The following ATP2C1 variants were observed in gnomAD, a reference collection of about 807,000 sequenced individuals.
ATP2C1 encodes ATPase secretory pathway Ca2+ transporting 1.
ATP2C1 carries 31 observed loss-of-function variants against 120.5 expected under a neutral mutation model. That is an observed-to-expected ratio of 0.26 (90% CI 0.19 to 0.35). ATP2C1 has a LOEUF of 0.35. Among genes scored for constraint, ATP2C1 ranks in the 10% least tolerant of loss-of-function variants. The pLI is 1.00. For synonymous variants in ATP2C1, 351 were observed against 358.7 expected (o/e 0.98, Z 0.24); for missense variants, 731 against 1,107.5 (o/e 0.66, Z 4.83).
chr3:131,007,765 CA>C (rs2063171842), downstream of ATP2C1, among the ~76,000 whole-genome samples: 1 of 151,988 alleles, frequency 6.6e-6, no homozygotes. Flanking sequence ...AATAAAATAC[CA>C]TATAATGCCT....
chr3:130,946,068 C>T (rs2060141226), intron 8 of ATP2C1, among the ~76,000 whole-genome samples: 1 of 152,066 alleles, frequency 6.6e-6, no homozygotes, highest in Admixed American at 6.5e-5. Flanking sequence ...TAGTTGGCCC[C>T]CATCATTTTT....
chr3:130,914,949 C>T (rs1293327366), intron 2 of ATP2C1, among the ~76,000 whole-genome samples: 1 of 152,142 alleles, frequency 6.6e-6, no homozygotes, highest in Non-Finnish European at 1.5e-5. Context: ...GCATTAGCAC[C>T]TACGGGAAAG....
At chr3:130,920,917 T>C (rs559811223) in intron 2 of ATP2C1, among the ~76,000 whole-genome samples, 26 of 152,276 alleles carry the variant, frequency 1.7e-4, no homozygotes, top group Admixed American at 2.6e-4. Flanking sequence ...AGGTAGTTAA[T>C]TTTTTTCTAT....
chr3:130,962,016 C>G (rs1054336662), intron 12 of ATP2C1, among the ~76,000 whole-genome samples: 1 of 152,018 alleles, frequency 6.6e-6, no homozygotes, highest in African/African-American at 2.4e-5. Context: ...GTTAATCATT[C>G]TGCAGCAAGG....
intron 17 of ATP2C1, among the ~76,000 whole-genome samples, chr3:130,972,582 C>G (rs1030045914): frequency 6.7e-6 from 1 of 150,200 alleles, no homozygotes; most frequent in Non-Finnish European, 1.5e-5. Flanking sequence ...ATTAACTCAT[C>G]ATTTAGCATT....
chr3:130,926,142 A>T (rs576772951), intron 2 of ATP2C1, among the ~76,000 whole-genome samples: 1 of 152,254 alleles, frequency 6.6e-6, no homozygotes, highest in East Asian at 1.9e-4. Context: ...GGGTCTGTGG[A>T]TTCTCTTGGC....
intron 8 of ATP2C1, among the ~76,000 whole-genome samples, chr3:130,945,778 T>G (rs2060126237): frequency 6.6e-6 from 1 of 152,144 alleles, no homozygotes; most frequent in Non-Finnish European, 1.5e-5. Flanking sequence ...AACAGTATGT[T>G]TTGCCTTTGT....
intron 2 of ATP2C1, among the ~76,000 whole-genome samples, chr3:130,901,225 T>C (rs1175886088): frequency 6.6e-6 from 1 of 152,146 alleles, no homozygotes; most frequent in African/African-American, 2.4e-5. Flanking sequence ...CTTATGAAAC[T>C]AGTATCAGAT....
downstream of ATP2C1, chr3:131,003,222 T>C (rs1251563577): frequency 1.1e-6 from 1 of 907,892 alleles, no homozygotes; most frequent in Non-Finnish European, 1.3e-6. Context: ...ATTAAAATTA[T>C]CCATATGGAT....
Position 131,002,937 on chromosome 3 carries a change from T to C in ATP2C1, c.*1587T>C. 1 of 985,882 alleles carries C rather than the reference T, an allele frequency of 1.0e-6. No homozygotes were observed. The highest frequency in any genetic ancestry group is 1.2e-6 in the Non-Finnish European group (1 of 829,916). 61.1% of individuals were successfully genotyped at this position (985,882 alleles called of 1,614,324 possible). ...GTCGTTAGATGGAACATGGAAGCCA[T>C]TGTCTAATCAACTCTATCATTAGTG... On this transcript the variant is annotated 3_prime_UTR_variant, in exon 28 of 28. Coordinates refer to ENST00000510168, the MANE Select transcript of ATP2C1 (RefSeq NM_001378687.1).
chr3:130,866,896 C>G (rs1269514887), intron 1 of ATP2C1, among the ~76,000 whole-genome samples: 1 of 152,126 alleles, frequency 6.6e-6, no homozygotes, highest in Non-Finnish European at 1.5e-5. Context: ...TTCTGGCAAC[C>G]TTGCATTGAG....
At chr3:130,998,667 C>T (rs1020033732) in intron 26 of ATP2C1, among the ~76,000 whole-genome samples, 5 of 152,130 alleles carry the variant, frequency 3.3e-5, no homozygotes, top group Non-Finnish European at 5.9e-5. Context: ...TAAGATAGAT[C>T]GTGGTTAACA....
chr3:131,001,931 T>G lies in ATP2C1; in HGVS notation c.*581T>G. The stretch of plus-strand genomic sequence containing the variant: ...GTGACCACTGTCAGATCACTGTTCT[T>G]TTCTTTCTTTTTGTGATTGAAAAGC... On this transcript the variant is annotated 3_prime_UTR_variant, in exon 28 of 28. Coordinates refer to ENST00000510168, the MANE Select transcript of ATP2C1 (RefSeq NM_001378687.1). The G allele has an allele frequency of 3.0e-6, 3 of 984,936 alleles. No homozygotes were observed. The highest frequency in any genetic ancestry group is 3.6e-6 in the Non-Finnish European group (3 of 829,080). 61.0% of individuals were successfully genotyped at this position (984,936 alleles called of 1,614,324 possible). A position where few individuals can be genotyped will look rare whatever the true frequency, so the allele number is the denominator to read the frequency against.
intron 26 of ATP2C1, chr3:131,015,918 G>T: frequency 1.5e-6 from 1 of 662,616 alleles, no homozygotes; most frequent in Non-Finnish European, 2.6e-6. Context: ...TTTTAAAATT[G>T]GATTGAATCA....
At chr3:130,924,865 G>A (rs993918545) in intron 2 of ATP2C1, among the ~76,000 whole-genome samples, 1 of 151,954 alleles carries the variant, frequency 6.6e-6, no homozygotes, top group African/African-American at 2.4e-5. Context: ...TTCTATTGCT[G>A]AGACTTCCCA....
chr3:131,001,924 C>G lies in ATP2C1; in HGVS notation c.*574C>G. The G allele has an allele frequency of 1.0e-6, 1 of 984,444 alleles. No individual in the cohort carries two copies. The highest frequency in any genetic ancestry group is 1.2e-6 in the Non-Finnish European group (1 of 828,706). 61.0% of individuals were successfully genotyped at this position (984,444 alleles called of 1,614,324 possible). A position where few individuals can be genotyped will look rare whatever the true frequency, so the allele number is the denominator to read the frequency against. On this transcript the variant is annotated 3_prime_UTR_variant, in exon 28 of 28. Coordinates refer to ENST00000510168, the MANE Select transcript of ATP2C1 (RefSeq NM_001378687.1). ...ACAGGATGTGACCACTGTCAGATCA[C>G]TGTTCTTTTCTTTCTTTTTGTGATT... is the stretch of plus-strand genomic sequence containing the variant.
intron 3 of ATP2C1, among the ~76,000 whole-genome samples, chr3:130,931,268 AGATAATTTTATT>A (rs2059438031): frequency 3.3e-5 from 5 of 152,122 alleles, no homozygotes; most frequent in Non-Finnish European, 5.9e-5. Context: ...TTGGGGGTAC[AGATAATTTTATT>A]CTTTAATAGT....
chr3:130,951,971 C>T (rs3773806), intron 8 of ATP2C1, among the ~76,000 whole-genome samples: 1,636 of 152,148 alleles, frequency 0.011, 22 homozygotes, highest in East Asian at 0.076. Context: ...TTATGTTTGC[C>T]TAACACACAA....
At chr3:130,987,115 A>G (rs1479157640) in intron 20 of ATP2C1, among the ~76,000 whole-genome samples, 4 of 151,688 alleles carry the variant, frequency 2.6e-5, no homozygotes, top group Non-Finnish European at 5.9e-5. Context: ...ATTAAAAAAA[A>G]AAAAAAAGAA....
Sources: gnomAD v4.1 joint callset for allele counts (sites outside exome capture counted in the v4.1 genomes callset) on GRCh38, gnomAD v4.1.1 for gene constraint, MANE v1.5 for transcripts, NCBI Gene and HGNC (gene_info 2026-07-23, HGNC 2026-07-21) for gene names.